SMARCAL1: variants seen among roughly 807,000 people sequenced by gnomAD.
SMARCAL1 encodes the protein ATP-driven annealing helicase.
SMARCAL1 carries 58 observed loss-of-function variants against 94.5 expected under a neutral mutation model. The ratio of observed to expected loss-of-function variants is 0.61; its 90% confidence interval spans 0.50 to 0.76. SMARCAL1 has a LOEUF of 0.76. SMARCAL1 is among the 30% of genes least tolerant of loss of function. The probability of loss-of-function intolerance (pLI) is 0.00; values close to 1 mark genes in which losing one functional copy is unlikely to be tolerated. For missense variants in SMARCAL1, 1,051 were observed against 1,177.9 expected (o/e 0.89, Z 1.58); for synonymous variants, 422 against 455.1 (o/e 0.93, Z 0.93).
At chr2:216,476,059 A>G (rs72948675) in intron 15 of SMARCAL1, among the ~76,000 whole-genome samples, 1 of 152,266 alleles carries the variant, frequency 6.6e-6, no homozygotes, top group Non-Finnish European at 1.5e-5. Flanking sequence ...CCTCACACAG[A>G]GTGACAGCAG....
chr2:216,415,537 TG>T (rs749479325), intron 3 of SMARCAL1, 22 bp downstream of exon 3: 8 of 1,483,714 alleles, frequency 5.4e-6, no homozygotes, highest in Admixed American at 1.9e-5. Flanking sequence ...ATTTTTCAGC[TG>T]TTTTTTTTTT....
chr2:216,480,704 C>CT (rs1695176439), intron 17 of SMARCAL1, among the ~76,000 whole-genome samples: 1 of 152,150 alleles, frequency 6.6e-6, no homozygotes, highest in African/African-American at 2.4e-5. Context: ...TCAAGGAACT[C>CT]TACTTCACCA....
rs529024384 is a variant in SMARCAL1, at chr2:216,432,852, G to A, written c.1469G>A (p.Arg490His). 4.8e-5 allele frequency: 78 copies of A among 1,614,084 alleles called. No homozygotes were observed. Among genetic ancestry groups the A allele is most frequent in the African/African-American group, 4.0e-5 (3 of 74,924 alleles). The change falls in exon 8 of 18, where the codon CGC becomes CAC. Residue 490 changes from arginine (R) to histidine (H), a missense_variant. Arg to His is a conservative substitution (Grantham distance 29). This residue lies in a region of SMARCAL1 where 642 missense variants were observed against 754.7 expected (regional missense o/e 0.85). Transcript: ENST00000357276. ...CTGGTGGTGGTGCCATCCTCCGTGC[G>A]CTTCACCTGGGAGCAGGTTAATGGT... ...PLLVVVPSSVRFTWEQAFLRW... is the reference protein window; with the variant it reads ...PLLVVVPSSVHFTWEQAFLRW...
chr2:216,428,372 C>A (rs954710551), intron 6 of SMARCAL1, among the ~76,000 whole-genome samples: 1 of 152,174 alleles, frequency 6.6e-6, no homozygotes, highest in African/African-American at 2.4e-5. Flanking sequence ...TTTCAAAAAG[C>A]AAGGTCAGTG....
intron 12 of SMARCAL1, among the ~76,000 whole-genome samples, chr2:216,455,650 G>C (rs1458400224): frequency 6.6e-6 from 1 of 152,234 alleles, no homozygotes; most frequent in Non-Finnish European, 1.5e-5. Context: ...CTGACTGTTA[G>C]AAGGAAAACT....
intron 3 of SMARCAL1, chr2:216,415,825 G>A (rs1693587318): frequency 4.4e-6 from 2 of 449,460 alleles, no homozygotes; most frequent in Non-Finnish European, 8.0e-6. Context: ...GAAATAAGTA[G>A]ATGTTATTTT....
rs142019842 is a variant in SMARCAL1, at chr2:216,418,016, G to A, written c.862+1709G>A. ...GCTCCCTGCAACCTCTGGCTTCCGG[G>A]TTCAAGTGATTCTCCTGCCTCAGCC... On this transcript the variant is annotated intron_variant, in intron 4 of 17. Coordinates refer to ENST00000357276, the MANE Select transcript of SMARCAL1 (RefSeq NM_014140.4). 3.2e-3 allele frequency among the ~76,000 whole-genome samples: 487 copies of A among 152,226 alleles called. 2 individuals carry two copies. Among genetic ancestry groups the A allele is most frequent in the Non-Finnish European group, 5.6e-3 (380 of 68,012 alleles).
intron 17 of SMARCAL1, among the ~76,000 whole-genome samples, chr2:216,479,432 CAAAA>C (rs532759698): frequency 4.1e-5 from 5 of 120,560 alleles, no homozygotes; most frequent in Admixed American, 3.5e-4. Context: ...GAGCCTGCCT[CAAAA>C]AAAAAAAAAG....
chr2:216,439,720 G>A (rs748192665), intron 10 of SMARCAL1, among the ~76,000 whole-genome samples: 1 of 152,116 alleles, frequency 6.6e-6, no homozygotes, highest in African/African-American at 2.4e-5. Context: ...ATCTTCCAAG[G>A]CAGGGTCATG....
rs139718015 is a variant in SMARCAL1, at chr2:216,475,477, C to T, written c.2427+26C>T. On this transcript the variant is annotated intron_variant, in intron 15 of 17. Transcript: ENST00000357276. The surrounding 1 kb of genome is among the most constrained non-coding windows in gnomAD (Gnocchi z 4.4). ...GTAAGAGACGCAGAAGACTCAGATA[C>T]TCCCCAGGCATGCTCATGGCTGTGG... 202 of 1,611,882 alleles carry T rather than the reference C, an allele frequency of 1.3e-4. 1 individual carries two copies. The East Asian group carries it at 4.2e-3, about 33-fold the overall frequency.
intron 15 of SMARCAL1, among the ~76,000 whole-genome samples, chr2:216,476,565 A>G (rs166921): frequency 0.73 from 111,245 of 152,136 alleles, 41,419 homozygotes; most frequent in African/African-American, 0.88. Context: ...TGCCTGCCTC[A>G]GCCTCCCAAA....
chr2:216,462,942 A>G (rs1042412497), intron 12 of SMARCAL1, among the ~76,000 whole-genome samples: 1 of 152,140 alleles, frequency 6.6e-6, no homozygotes, highest in Non-Finnish European at 1.5e-5. Flanking sequence ...GTGAGCCATG[A>G]TCGAGTCCAG....
intron 2 of SMARCAL1, 52 bp from the exon 3 acceptor site, chr2:216,414,595 T>A: frequency 1.1e-6 from 1 of 925,714 alleles, no homozygotes; most frequent in Non-Finnish European, 1.7e-6. Context: ...GGTTGGAGTA[T>A]GACAATTAAT....
At chr2:216,413,525 A>T (rs1693513305) in intron 1 of SMARCAL1, among the ~76,000 whole-genome samples, 1 of 152,176 alleles carries the variant, frequency 6.6e-6, no homozygotes, top group Admixed American at 6.5e-5. Flanking sequence ...AAAAATCCGA[A>T]CTATATACTC....
intron 5 of SMARCAL1, among the ~76,000 whole-genome samples, chr2:216,422,575 A>G (rs1693747897): frequency 6.6e-6 from 1 of 152,166 alleles, no homozygotes; most frequent in Admixed American, 6.5e-5. Flanking sequence ...CACTGTGAGA[A>G]TCAAGTTGTC....
At chr2:216,477,083 G>T (rs774743664) in intron 15 of SMARCAL1, 26 bp from the exon 16 acceptor site, 1 of 1,547,872 alleles carries the variant, frequency 6.5e-7, no homozygotes, top group African/African-American at 1.4e-5. Flanking sequence ...GCCTTTACCT[G>T]CCTGTCTCAA....
Position 216,423,739 on chromosome 2 carries a change from C to T in SMARCAL1, c.1147+56C>T, listed in dbSNP as rs1242669149. On this transcript the variant is annotated intron_variant, in intron 6 of 17. Transcript: ENST00000357276. ...ATGCTATTGTTAAGCTTTAATAATT[C>T]ACCTTAAATTTGATGTATTTTTGAA... is the stretch of plus-strand genomic sequence containing the variant. 4 of 1,438,794 alleles carry T rather than the reference C, an allele frequency of 2.8e-6. No homozygotes were observed. The African/African-American group carries it at 4.2e-5, about 15-fold the overall frequency. 89.1% of individuals were successfully genotyped at this position (1,438,794 alleles called of 1,614,324 possible). A position where few individuals can be genotyped will look rare whatever the true frequency, so the allele number is the denominator to read the frequency against.
rs199805770 is a variant in SMARCAL1, at chr2:216,414,776, A to G, written c.72A>G (p.Arg24=). ...ATCGACAAAAGGCTCTGGCCCGCAGAGCTGAGAAGTTATTGGCAGAACAGC... is the reference window on the plus strand; with the variant it reads ...ATCGACAAAAGGCTCTGGCCCGCAGGGCTGAGAAGTTATTGGCAGAACAGC... ...EENRQKALAR[R]AEKLLAEQHQ... The change falls in exon 3 of 18, where the codon AGA becomes AGG. Residue 24 remains arginine (R), a synonymous_variant. Transcript: ENST00000357276. The G allele has an allele frequency of 1.1e-3, 1,716 of 1,614,224 alleles. 38 individuals are homozygous for G. In the South Asian group the frequency reaches 0.018, roughly 17 times the overall value.
chr2:216,452,458 G>C (rs1172229950), intron 12 of SMARCAL1, among the ~76,000 whole-genome samples: 1 of 151,926 alleles, frequency 6.6e-6, no homozygotes, highest in East Asian at 1.9e-4. Flanking sequence ...AATATTTTTA[G>C]ATGCAAAGAG....
Sources: gnomAD v4.1 joint callset for allele counts (sites outside exome capture counted in the v4.1 genomes callset) on GRCh38, gnomAD v4.1.1 for gene constraint, gnomAD v4.1.1 regional missense constraint, Gnocchi (gnomAD v3.1) non-coding constraint, MANE v1.5 for transcripts, NCBI Gene and HGNC (gene_info 2026-07-23, HGNC 2026-07-21) for gene names.